The following CDH3 variants were observed in gnomAD, a reference collection of about 807,000 sequenced individuals.
The protein encoded by CDH3 is cadherin 3.
In CDH3, 54 loss-of-function variants were observed where a neutral mutation model predicts 82.0. The observed-to-expected ratio is 0.66, with a 90% confidence interval of 0.53 to 0.83. The LOEUF is 0.83. CDH3 is among the 40% of genes least tolerant of loss of function. The pLI, the probability that CDH3 is intolerant of heterozygous loss-of-function variation, is 0.00. For synonymous variants in CDH3, 446 were observed against 437.9 expected (o/e 1.02, Z -0.23); for missense variants, 1,054 against 1,084.6 (o/e 0.97, Z 0.40).
In CDH3 at chr16:68,672,236, T is replaced by G. The variant is rs561474744; in HGVS notation, c.161-4149T>G. Among the ~76,000 whole-genome samples, 58 of 140,362 alleles carry G rather than the reference T, an allele frequency of 4.1e-4. 2 individuals are homozygous for G. The South Asian group carries it at 6.7e-3, about 16-fold the overall frequency. The allele number at this position is 140,362 out of a possible 152,430, so 92.1% of individuals were successfully genotyped here. On this transcript the variant is annotated intron_variant, in intron 2 of 15. Transcript: ENST00000264012. Reference sequence around the variant, plus strand: ...AATAAAAAATAAAAAAAAAAGAAAATAAGTTTCTGATGACCTTCATCATTG... The same window carrying G: ...AATAAAAAATAAAAAAAAAAGAAAAGAAGTTTCTGATGACCTTCATCATTG...
intron 1 of CDH3, among the ~76,000 whole-genome samples, chr16:68,705,830 C>A (rs1047076624): frequency 2.0e-5 from 3 of 151,492 alleles, no homozygotes; most frequent in Non-Finnish European, 2.9e-5. Flanking sequence ...CTTTGGGAGG[C>A]CAAGGCAGGT....
rs1278718216 is a variant in CDH3 at position 68,678,854 on chromosome 16, C to G, written c.639C>G (p.Pro213=). The G allele has an allele frequency of 1.2e-6, 2 of 1,613,932 alleles. No homozygotes were observed. Among genetic ancestry groups the G allele is most frequent in the Middle Eastern group, 1.6e-4 (1 of 6,084 alleles). The change falls in exon 6 of 16, where the codon CCC becomes CCG. Residue 213 remains proline, a synonymous_variant. Transcript: ENST00000264012. ...IIVTDQNDHK[P]KFTQDTFRGS... ...TGACCGACCAGAATGACCACAAGCC[C>G]AAGTTTACCCAGGACACCTTCCGAG...
At chr16:68,715,664 C>A (rs1389170940) in intron 1 of CDH3, among the ~76,000 whole-genome samples, 1 of 152,182 alleles carries the variant, frequency 6.6e-6, no homozygotes, top group Admixed American at 6.5e-5. Flanking sequence ...ACATGTTGTT[C>A]TTTGCCCTGA....
intron 11 of CDH3, chr16:68,686,654 G>A (rs1961421234): frequency 7.0e-6 from 6 of 861,226 alleles, no homozygotes; most frequent in Non-Finnish European, 1.2e-5. Flanking sequence ...CCTATTTAGG[G>A]ATGGTGACAT....
chr16:68,731,267 G>A (rs1962282965), downstream of CDH3, among the ~76,000 whole-genome samples: 1 of 131,610 alleles, frequency 7.6e-6, no homozygotes, highest in African/African-American at 2.9e-5. Context: ...GGCTGAGGCA[G>A]GAGAATGGTT....
At chr16:68,733,641 C>T in the CDH3 span, among the ~76,000 whole-genome samples, 1 of 152,188 alleles carries the variant, frequency 6.6e-6, no homozygotes, top group Non-Finnish European at 1.5e-5. Flanking sequence ...ACTCAGGAGG[C>T]TGAGGCACAA....
chr16:68,677,076 A>C (rs968867752), intron 3 of CDH3, among the ~76,000 whole-genome samples: 2 of 152,136 alleles, frequency 1.3e-5, no homozygotes, highest in Admixed American at 6.5e-5. Context: ...TTACATATTT[A>C]TTTATATTGT....
chr16:68,680,872 C>G (rs917097384), intron 7 of CDH3, 96 bp from the exon 8 acceptor site: 20 of 1,367,528 alleles, frequency 1.5e-5, no homozygotes, highest in Admixed American at 1.0e-4. Flanking sequence ...ATCCTCCTCT[C>G]CATCCACACA....
At chr16:68,658,023 G>C (rs1297091677) in intron 2 of CDH3, among the ~76,000 whole-genome samples, 5 of 151,522 alleles carry the variant, frequency 3.3e-5, no homozygotes, top group Non-Finnish European at 7.4e-5. Flanking sequence ...CAAATTTGGG[G>C]ACCACAGGTA....
downstream of CDH3, among the ~76,000 whole-genome samples, chr16:68,701,269 C>T (rs1303923916): frequency 2.0e-5 from 3 of 152,038 alleles, no homozygotes; most frequent in African/African-American, 7.2e-5. Context: ...GAATCAGAGC[C>T]TGGGCTCTGT....
rs1038567406 is a variant in CDH3, at chr16:68,699,206, C to T, written c.*806C>T. On this transcript the variant is annotated 3_prime_UTR_variant, in exon 16 of 16. Transcript: ENST00000264012. ...ACCCTGCTGGCTTCACCCAAGCTTC[C>T]TCTCAATGGCAGGGGATACTCAGGG... 2 of 152,146 alleles carry T rather than the reference C, an allele frequency of 1.3e-5. No individual in the cohort carries two copies. The highest frequency in any genetic ancestry group is 2.4e-5 in the African/African-American group (1 of 41,430). The allele number at this position is 152,146 out of a possible 1,614,324, so 9.4% of individuals were successfully genotyped here.
intron 2 of CDH3, chr16:68,651,809 G>A: frequency 2.1e-6 from 1 of 482,602 alleles, no homozygotes; most frequent in Non-Finnish European, 4.2e-6. Flanking sequence ...CCTGCTGGAA[G>A]TCAGGGCTGA....
chr16:68,695,234 C>G, intron 13 of CDH3, 21 bp from the exon 14 acceptor site: 1 of 1,614,020 alleles, frequency 6.2e-7, no homozygotes. Context: ...AGGGAGCACT[C>G]ACACTCCCCA....
chr16:68,711,955 C>T (rs1228297356), intron 1 of CDH3, among the ~76,000 whole-genome samples: 1 of 151,986 alleles, frequency 6.6e-6, no homozygotes, highest in Admixed American at 6.6e-5. Context: ...GAGAGTGCAC[C>T]CTCCACCCTG....
chr16:68,681,088 C>T lies in CDH3; in HGVS notation c.988C>T (p.Pro330Ser), dbSNP rs369263849. 6.2e-7 allele frequency: 1 copy of T among 1,613,848 alleles called. No homozygotes were observed. Among genetic ancestry groups the T allele is most frequent in the African/African-American group, 1.3e-5 (1 of 74,910 alleles). Residue 330 changes from proline to serine, a missense_variant, in exon 8 of 16, where the codon CCC becomes TCC. Pro to Ser is a moderately conservative substitution (Grantham distance 74, BLOSUM62 -1). Transcript: ENST00000264012. ...CAATGACAATGCTCCCATGTTTGAC[C>T]CCCAGAAGGTAATGCCCCTTCCTCA... ...DANDNAPMFD[P>S]QKYEAHVPEN...
chr16:68,731,515 T>C (rs9925445), downstream of CDH3, among the ~76,000 whole-genome samples: 569 of 33,372 alleles, frequency 0.017, 35 homozygotes, highest in Middle Eastern at 0.036. Context: ...CACACACATA[T>C]ACACACACAC....
At chr16:68,652,948 A>G (rs1960292037) in intron 2 of CDH3, among the ~76,000 whole-genome samples, 1 of 152,148 alleles carries the variant, frequency 6.6e-6, no homozygotes, top group African/African-American at 2.4e-5. Context: ...TGGGCATTTC[A>G]GTAGTTTCCA....
chr16:68,728,457 C>T (rs1391796581), downstream of CDH3, among the ~76,000 whole-genome samples: 11 of 152,200 alleles, frequency 7.2e-5, no homozygotes, highest in African/African-American at 1.2e-4. Context: ...TGAGCCACCG[C>T]GCCTGGCCTT....
intron 8 of CDH3, 132 bp downstream of exon 8, chr16:68,681,228 A>C: frequency 1.1e-6 from 1 of 913,500 alleles, no homozygotes; most frequent in Non-Finnish European, 1.8e-6. Flanking sequence ...ACCTTAGGAA[A>C]ACTACCTAAC....
Sources: allele counts gnomAD v4.1 joint callset (sites outside exome capture counted in the v4.1 genomes callset), GRCh38; gene constraint gnomAD v4.1.1; transcripts MANE v1.5; gene names NCBI Gene and HGNC (gene_info 2026-07-23, HGNC 2026-07-21).